POC1B: variants seen among roughly 807,000 people sequenced by gnomAD.
POC1B encodes the protein POC1 centriolar protein B, also known as POC1 centriolar protein homolog B.
A neutral mutation model predicts 60.6 loss-of-function variants in POC1B; 44 were observed. That is an observed-to-expected ratio of 0.73 (90% confidence interval 0.57 to 0.93). POC1B has a LOEUF of 0.93. POC1B is among the 40% of genes least tolerant of loss of function. POC1B has a pLI of 0.00. For missense variants in POC1B, 555 were observed against 572.3 expected (o/e 0.97, Z 0.31); for synonymous variants, 180 against 198.9 (o/e 0.90, Z 0.80).
At chr12:89,515,949 G>A (rs1870422514) in intron 2 of POC1B, among the ~76,000 whole-genome samples, 1 of 151,894 alleles carries the variant, frequency 6.6e-6, no homozygotes, top group Admixed American at 6.6e-5. Flanking sequence ...AATTCCCCTG[G>A]CAAAAATCCC....
intron 3 of POC1B, chr12:89,496,964 C>G: frequency 1.8e-6 from 1 of 558,060 alleles, no homozygotes; most frequent in Non-Finnish European, 3.1e-6. Flanking sequence ...AAGCATATTT[C>G]CATGGTAGGA....
At chr12:89,441,741 G>A (rs1457614579) in intron 10 of POC1B, among the ~76,000 whole-genome samples, 3 of 152,206 alleles carry the variant, frequency 2.0e-5, no homozygotes, top group African/African-American at 7.2e-5. Flanking sequence ...CTCCTCGCCA[G>A]CAACGGAACA....
intron 9 of POC1B, among the ~76,000 whole-genome samples, chr12:89,466,434 G>A (rs1021001037): frequency 8.6e-5 from 13 of 151,780 alleles, no homozygotes; most frequent in Admixed American, 1.3e-4. Context: ...AAAAATTCTT[G>A]CCCTCCAGCC....
chr12:89,501,107 C>A, intron 2 of POC1B: 1 of 1,258,370 alleles, frequency 7.9e-7, no homozygotes, highest in Non-Finnish European at 1.2e-6. Flanking sequence ...ATATCCCCGG[C>A]TGAGAGCACT....
chr12:89,498,424 G>A (rs913058441), intron 2 of POC1B, among the ~76,000 whole-genome samples: 10 of 152,198 alleles, frequency 6.6e-5, no homozygotes, highest in Non-Finnish European at 1.5e-4. Context: ...GTAGGTCAAT[G>A]AGAATCACTA....
At chr12:89,425,466 A>T in intron 10 of POC1B, 87 bp from the exon 11 acceptor site, 1 of 1,042,856 alleles carries the variant, frequency 9.6e-7, no homozygotes, top group Non-Finnish European at 1.4e-6. Flanking sequence ...TCCTCTTCTA[A>T]AAAGCCCAGG....
intron 2 of POC1B, among the ~76,000 whole-genome samples, chr12:89,498,158 T>C (rs945459574): frequency 3.4e-4 from 52 of 152,196 alleles, no homozygotes; most frequent in Non-Finnish European, 1.9e-4. Context: ...CTTTTATAGC[T>C]GGATAAGATG....
chr12:89,524,075 A>G, intron 2 of POC1B: 1 of 1,613,906 alleles, frequency 6.2e-7, no homozygotes, highest in Non-Finnish European at 8.5e-7. Flanking sequence ...GAAGTTTCTA[A>G]AACACTGTGA....
chr12:89,510,162 T>C, intron 2 of POC1B, among the ~76,000 whole-genome samples: 1 of 152,216 alleles, frequency 6.6e-6, no homozygotes, highest in East Asian at 1.9e-4. Flanking sequence ...TTCGTTTTTT[T>C]AACTGGGAGG....
rs114108949 is a variant in POC1B at position 89,521,707 on chromosome 12, C to T, written c.100+3413G>A. On this transcript the variant is annotated intron_variant, in intron 2 of 11. Coordinates refer to ENST00000313546, the MANE Select transcript of POC1B (RefSeq NM_172240.3). Reference sequence around the variant, plus strand: ...TGAGCCATTCATTCATTCATTCAGTCATTCATTCACCCACTTACTGAAAGC... The same window carrying T: ...TGAGCCATTCATTCATTCATTCAGTTATTCATTCACCCACTTACTGAAAGC... 9.4e-4 allele frequency: 263 copies of T among 280,758 alleles called. 1 individual carries two copies. Among genetic ancestry groups the T allele is most frequent in the African/African-American group, 5.2e-3 (240 of 46,274 alleles). The allele number at this position is 280,758 out of a possible 1,614,324, so 17.4% of individuals were successfully genotyped here. A position where few individuals can be genotyped will look rare whatever the true frequency, so the allele number is the denominator to read the frequency against.
intron 2 of POC1B, chr12:89,519,664 A>G (rs1870683089): frequency 6.6e-6 from 1 of 152,596 alleles, no homozygotes; most frequent in Non-Finnish European, 1.5e-5. Flanking sequence ...ATACAACTTA[A>G]AAATAAGCTG....
Position 89,503,130 on chromosome 12 carries a change from C to A in POC1B, c.101-5788G>T, listed in dbSNP as rs1273068458. Among the ~76,000 whole-genome samples the A allele has an allele frequency of 5.3e-5, 8 of 151,654 alleles. No individual in the cohort carries two copies. In the East Asian group the frequency reaches 1.6e-3, roughly 29 times the overall value. ...ATCCCTCTCTCCCCACGGTCTCCCT[C>A]TCCCTCTCTTTCCACAGTCTCCCTC... On this transcript the variant is annotated intron_variant, in intron 2 of 11. Transcript: ENST00000313546.
At chr12:89,442,081 G>C (rs1041298425) in intron 10 of POC1B, among the ~76,000 whole-genome samples, 4 of 152,116 alleles carry the variant, frequency 2.6e-5, no homozygotes, top group Non-Finnish European at 5.9e-5. Flanking sequence ...AATGAACAAA[G>C]CCTCCAAGAA....
At chr12:89,523,254 A>G (rs746681273) in intron 2 of POC1B, 1 of 1,614,050 alleles carries the variant, frequency 6.2e-7, no homozygotes. Context: ...GTAAATTAGG[A>G]AAAACGTTTT....
chr12:89,462,240 T>C (rs1360523456), intron 9 of POC1B, among the ~76,000 whole-genome samples: 1 of 152,190 alleles, frequency 6.6e-6, no homozygotes, highest in Non-Finnish European at 1.5e-5. Flanking sequence ...ATGGTTAAAT[T>C]CTTTGCTAGC....
At chr12:89,444,842 T>C (rs1220327729) in intron 10 of POC1B, among the ~76,000 whole-genome samples, 1 of 152,234 alleles carries the variant, frequency 6.6e-6, no homozygotes, top group Non-Finnish European at 1.5e-5. Flanking sequence ...GACATGATTG[T>C]ATATTTAGAA....
At chr12:89,507,484 A>G (rs141320171) in intron 2 of POC1B, among the ~76,000 whole-genome samples, 127 of 152,294 alleles carry the variant, frequency 8.3e-4, no homozygotes, top group African/African-American at 2.9e-3. Context: ...ACATTACCAC[A>G]TAATTTAAAA....
Position 89,467,562 on chromosome 12 carries a change from G to A in POC1B, c.879+55C>T, listed in dbSNP as rs549963470. The A allele has an allele frequency of 2.5e-5, 36 of 1,441,736 alleles. No individual in the cohort carries two copies. The East Asian group carries it at 8.0e-4, about 32-fold the overall frequency. 89.3% of individuals were successfully genotyped at this position (1,441,736 alleles called of 1,614,324 possible). A position where few individuals can be genotyped will look rare whatever the true frequency, so the allele number is the denominator to read the frequency against. Reference sequence around the variant, plus strand: ...GCTGGTTGTAAAACTCTTAGCTGAGGTCAAGGATTCCTTTACCTTAACCAA... The same window carrying A: ...GCTGGTTGTAAAACTCTTAGCTGAGATCAAGGATTCCTTTACCTTAACCAA... On this transcript the variant is annotated intron_variant, in intron 8 of 11. Coordinates refer to ENST00000313546, the MANE Select transcript of POC1B (RefSeq NM_172240.3).
chr12:89,416,627 G>A (rs930341195), downstream of POC1B, among the ~76,000 whole-genome samples: 5 of 152,192 alleles, frequency 3.3e-5, no homozygotes, highest in African/African-American at 9.6e-5. Context: ...AGACAATATG[G>A]AGTAGTGTAT....
Sources: allele counts gnomAD v4.1 joint callset (sites outside exome capture counted in the v4.1 genomes callset), GRCh38; gene constraint gnomAD v4.1.1; transcripts MANE v1.5; gene names NCBI Gene and HGNC (gene_info 2026-07-23, HGNC 2026-07-21).